Variants in STUM observed in about 807,000 individuals in gnomAD.
STUM encodes stum, mechanosensory transduction mediator homolog.
A neutral mutation model predicts 15.3 loss-of-function variants in STUM; 8 were observed. The observed-to-expected ratio is 0.52, with a 90% CI of 0.31 to 0.94. STUM has a LOEUF of 0.94. Among genes scored for constraint, STUM ranks in the 40% least tolerant of loss-of-function variants. The probability of loss-of-function intolerance (pLI) is 0.05; values close to 1 mark genes in which losing one functional copy is unlikely to be tolerated. For synonymous variants in STUM, 78 were observed against 88.7 expected, an observed-to-expected ratio of 0.88 and a Z score of 0.68; for missense variants, 142 against 204.9, an observed-to-expected ratio of 0.69 and a Z score of 1.87.
intron 1 of STUM, among the ~76,000 whole-genome samples, chr1:226,558,116 A>G (rs1044342233): frequency 2.6e-5 from 4 of 152,198 alleles, no homozygotes; most frequent in Non-Finnish European, 5.9e-5. Context: ...ATTCAACATA[A>G]TGGAAGTCCT....
intron 1 of STUM, among the ~76,000 whole-genome samples, chr1:226,572,065 G>A (rs1286901443): frequency 6.6e-6 from 1 of 152,198 alleles, no homozygotes; most frequent in African/African-American, 2.4e-5. Context: ...TCAGAGCAGA[G>A]AGGCAACAAG....
chr1:226,596,872 C>T lies in STUM; in HGVS notation c.273C>T (p.Cys91=), dbSNP rs1377791348. 4 of 1,614,118 alleles carry T rather than the reference C, an allele frequency of 2.5e-6. No homozygotes were observed. Among genetic ancestry groups the T allele is most frequent in the South Asian group, 1.1e-5 (1 of 91,088 alleles). ...RTDLPDRHVC[C]VFWLNIAAAL... The stretch of plus-strand genomic sequence containing the variant: ...ACCTCCCGGACAGGCATGTGTGCTG[C>T]GTCTTCTGGCTGAACATTGCAGCAG... The change falls in exon 2 of 4, where the codon TGC becomes TGT. Residue 91 remains cysteine, a synonymous_variant. Coordinates refer to ENST00000366788, the MANE Select transcript of STUM (RefSeq NM_001003665.4).
chr1:226,576,202 A>G (rs1283835373), intron 1 of STUM, among the ~76,000 whole-genome samples: 3 of 152,224 alleles, frequency 2.0e-5, no homozygotes, highest in Admixed American at 2.0e-4. Flanking sequence ...TTGCAGGAGC[A>G]GCTCATTAGA....
In STUM at chr1:226,555,468, C is replaced by T. The variant is rs148619343; in HGVS notation, c.202+6362C>T. ...CCCATCTCAGCAAATGGCGACCTCC[C>T]AGTGGCTCAGGCCAAAAACTGAGAC... is the stretch of plus-strand genomic sequence containing the variant. On this transcript the variant is annotated intron_variant, in intron 1 of 3. Coordinates refer to ENST00000366788, the MANE Select transcript of STUM (RefSeq NM_001003665.4). Among the ~76,000 whole-genome samples the T allele has an allele frequency of 1.9e-3, 291 of 151,642 alleles. 2 individuals are homozygous for T. The highest frequency in any genetic ancestry group is 6.7e-3 in the African/African-American group (275 of 41,308).
intron 1 of STUM, among the ~76,000 whole-genome samples, chr1:226,561,381 C>T (rs1667540847): frequency 6.6e-6 from 1 of 152,166 alleles, no homozygotes; most frequent in South Asian, 2.1e-4. Context: ...GAGACACAGG[C>T]TTTCCTGTCA....
intron 1 of STUM, among the ~76,000 whole-genome samples, chr1:226,572,129 T>C (rs1456653554): frequency 2.6e-5 from 4 of 152,158 alleles, no homozygotes; most frequent in African/African-American, 9.7e-5. Context: ...ATGATGATGA[T>C]ACCGGCTGCG....
chr1:226,582,962 C>T (rs777114999), intron 1 of STUM, among the ~76,000 whole-genome samples: 6 of 152,220 alleles, frequency 3.9e-5, no homozygotes, highest in Non-Finnish European at 7.3e-5. Context: ...GGGCTGGGCT[C>T]AGGAGGGCAT....
intron 1 of STUM, among the ~76,000 whole-genome samples, chr1:226,562,707 A>G (rs1030426827): frequency 6.6e-6 from 1 of 152,166 alleles, no homozygotes; most frequent in African/African-American, 2.4e-5. Context: ...TATTCTTCAA[A>G]AGCATCATTG....
chr1:226,573,930 G>A (rs1667763544), intron 1 of STUM, among the ~76,000 whole-genome samples: 1 of 151,962 alleles, frequency 6.6e-6, no homozygotes, highest in South Asian at 2.1e-4. Context: ...CACCTCCTGG[G>A]TTCAAGCAAT....
chr1:226,570,453 G>T (rs954992675), intron 1 of STUM, among the ~76,000 whole-genome samples: 2 of 152,220 alleles, frequency 1.3e-5, no homozygotes, highest in African/African-American at 4.8e-5. Context: ...GAGGGAAGAA[G>T]CTAAGCACAG....
At chr1:226,579,543 G>A (rs1219880032) in intron 1 of STUM, among the ~76,000 whole-genome samples, 1 of 152,218 alleles carries the variant, frequency 6.6e-6, no homozygotes, top group African/African-American at 2.4e-5. Flanking sequence ...AGAGTGAGGG[G>A]CCGTGGAGGC....
At position 226,596,948 on chromosome 1, in the gene STUM, A is replaced by T; in HGVS notation, c.349A>T (p.Ile117Phe). 6.2e-7 allele frequency: 1 copy of T among 1,614,166 alleles called. No individual in the cohort carries two copies. Among genetic ancestry groups the T allele is most frequent in the Non-Finnish European group, 8.5e-7 (1 of 1,180,014 alleles). ...CGTCATGGTGGGCTGGATCATGAGC[A>T]TCTTCTGGGGCATGGACATGGTCAT... ...AIVMVGWIMS[I>F]FWGMDMVILA... The change falls in exon 2 of 4, where the codon ATC becomes TTC. Residue 117 changes from isoleucine to phenylalanine, a missense_variant. By Grantham distance (21) the Ile-to-Phe change is conservative. Coordinates refer to ENST00000366788, the MANE Select transcript of STUM (RefSeq NM_001003665.4).
intron 1 of STUM, among the ~76,000 whole-genome samples, chr1:226,559,818 A>C (rs1437712946): frequency 2.6e-5 from 4 of 152,144 alleles, no homozygotes; most frequent in Non-Finnish European, 4.4e-5. Context: ...CTAAAAATAC[A>C]AAAAATTAGC....
At chr1:226,577,533 G>A (rs1456988227) in intron 1 of STUM, among the ~76,000 whole-genome samples, 13 of 151,422 alleles carry the variant, frequency 8.6e-5, no homozygotes. Flanking sequence ...ACACACTCAG[G>A]CACACATAGA....
chr1:226,566,789 G>A (rs1024523407), intron 1 of STUM, among the ~76,000 whole-genome samples: 7 of 152,144 alleles, frequency 4.6e-5, no homozygotes, highest in Admixed American at 2.0e-4. Context: ...TAATTCCTAC[G>A]AAGGAACAGA....
At chr1:226,555,889 A>G (rs888135007) in intron 1 of STUM, among the ~76,000 whole-genome samples, 3 of 152,234 alleles carry the variant, frequency 2.0e-5, no homozygotes, top group Non-Finnish European at 2.9e-5. Flanking sequence ...GTACATACCT[A>G]TATCATAAAA....
intron 1 of STUM, among the ~76,000 whole-genome samples, chr1:226,562,487 A>G (rs1260890960): frequency 6.6e-6 from 1 of 152,084 alleles, no homozygotes; most frequent in African/African-American, 2.4e-5. Flanking sequence ...AAAAAAAAAA[A>G]AAGAAAAGAA....
intron 1 of STUM, among the ~76,000 whole-genome samples, chr1:226,584,048 A>G (rs892931093): frequency 6.6e-6 from 1 of 152,004 alleles, no homozygotes; most frequent in East Asian, 1.9e-4. Flanking sequence ...TTCTGTGGGT[A>G]GGGATTTAGA....
chr1:226,555,936 C>T (rs139384132), intron 1 of STUM, among the ~76,000 whole-genome samples: 34 of 152,258 alleles, frequency 2.2e-4, no homozygotes, highest in African/African-American at 7.0e-4. Flanking sequence ...CTTAATAATA[C>T]GTTTCATTTA....
Sources: gnomAD v4.1 joint callset for allele counts (sites outside exome capture counted in the v4.1 genomes callset) on GRCh38, gnomAD v4.1.1 for gene constraint, MANE v1.5 for transcripts, NCBI Gene and HGNC (gene_info 2026-07-23, HGNC 2026-07-21) for gene names.